The following ACTG2 variants were observed in gnomAD, a reference collection of about 807,000 sequenced individuals.
The protein encoded by ACTG2 is actin gamma 2, smooth muscle.
A neutral mutation model predicts 37.6 loss-of-function variants in ACTG2; 16 were observed. That is an observed-to-expected ratio of 0.43 (90% CI 0.29 to 0.65). The LOEUF (loss-of-function observed/expected upper bound fraction) is 0.65, where lower values mean the gene tolerates loss of function less well. ACTG2 is among the 30% of genes least tolerant of loss of function. ACTG2 has a pLI of 0.18. For synonymous variants in ACTG2, 181 were observed against 179.9 expected, an observed-to-expected ratio of 1.01 and a Z score of -0.05; for missense variants, 238 against 490.9, an observed-to-expected ratio of 0.48 and a Z score of 4.87.
chr2:73,916,374 GA>G (rs56292295), intron 7 of ACTG2, among the ~76,000 whole-genome samples: 426 of 126,988 alleles, frequency 3.4e-3, no homozygotes, highest in African/African-American at 8.4e-3. Context: ...CTCCATCTCA[GA>G]AAAAAAAAAA....
At position 73,919,833 on chromosome 2, in the gene ACTG2, T is replaced by C. The variant is rs1680341272; in HGVS notation, c.*258T>C. On this transcript the variant is annotated 3_prime_UTR_variant, in exon 9 of 9. Coordinates refer to ENST00000345517, the MANE Select transcript of ACTG2 (RefSeq NM_001615.4). Reference sequence around the variant, plus strand: ...CAAGGACTTGCGAAGATCACACAGATTCCAGATTAAAATTCAAGTATCTGA... The same window carrying C: ...CAAGGACTTGCGAAGATCACACAGACTCCAGATTAAAATTCAAGTATCTGA... The C allele has an allele frequency of 3.2e-6, 1 of 312,110 alleles. No individual in the cohort carries two copies. Among genetic ancestry groups the C allele is most frequent in the Non-Finnish European group, 5.8e-6 (1 of 171,898 alleles). 19.3% of individuals were successfully genotyped at this position (312,110 alleles called of 1,614,324 possible).
chr2:73,907,279 C>G (rs1291108802), intron 3 of ACTG2, among the ~76,000 whole-genome samples: 1 of 152,110 alleles, frequency 6.6e-6, no homozygotes, highest in African/African-American at 2.4e-5. Context: ...ATCACACTTA[C>G]CACCGTCTTA....
chr2:73,907,030 C>T (rs1648796288), intron 3 of ACTG2, among the ~76,000 whole-genome samples: 1 of 152,166 alleles, frequency 6.6e-6, no homozygotes, highest in African/African-American at 2.4e-5. Flanking sequence ...CAGTCCAGGG[C>T]CTCTGCCTGT....
chr2:73,908,565 T>C, intron 3 of ACTG2, 108 bp from the exon 4 acceptor site: 1 of 943,774 alleles, frequency 1.1e-6, no homozygotes, highest in African/African-American at 1.6e-5. Flanking sequence ...TCCAGATCCA[T>C]CCCATCCTGT....
intron 1 of ACTG2, among the ~76,000 whole-genome samples, chr2:73,895,089 T>C (rs1679714775): frequency 6.6e-6 from 1 of 151,986 alleles, no homozygotes; most frequent in Admixed American, 6.6e-5. Flanking sequence ...CACCAGGGCA[T>C]TGGGCATGGG....
chr2:73,916,209 C>G (rs941813268), intron 7 of ACTG2, among the ~76,000 whole-genome samples: 1 of 151,948 alleles, frequency 6.6e-6, no homozygotes, highest in Admixed American at 6.6e-5. Context: ...AACCCCATCT[C>G]TACTAAAAAT....
chr2:73,893,276 C>T (rs541197565), intron 1 of ACTG2, among the ~76,000 whole-genome samples: 110 of 152,336 alleles, frequency 7.2e-4, no homozygotes, highest in Non-Finnish European at 1.4e-3. Flanking sequence ...ACCGTGCTCC[C>T]TGCCTCAGAA....
At chr2:73,899,318 A>T (rs1234501890) in intron 1 of ACTG2, among the ~76,000 whole-genome samples, 1 of 152,046 alleles carries the variant, frequency 6.6e-6, no homozygotes, top group Non-Finnish European at 1.5e-5. Flanking sequence ...TTTTTATATC[A>T]GCCAGCCATA....
At chr2:73,903,471 C>T (rs1679934308) in intron 3 of ACTG2, among the ~76,000 whole-genome samples, 1 of 152,190 alleles carries the variant, frequency 6.6e-6, no homozygotes, top group African/African-American at 2.4e-5. Flanking sequence ...GTGCAAATCC[C>T]ACCCTATAAG....
chr2:73,903,717 G>A (rs1045587864), intron 3 of ACTG2, among the ~76,000 whole-genome samples: 1 of 152,064 alleles, frequency 6.6e-6, no homozygotes, highest in African/African-American at 2.4e-5. Flanking sequence ...CGAGGCGGGT[G>A]GATCACAAAA....
chr2:73,916,561 C>T (rs1157418402), intron 7 of ACTG2, 23 bp from the exon 8 acceptor site: 2 of 1,601,172 alleles, frequency 1.2e-6, no homozygotes, highest in African/African-American at 2.7e-5. Flanking sequence ...TGCCTGTTGA[C>T]CAGACACTGT....
chr2:73,901,561 TGTGTGTGTGTGTGTGTGTGTCTGTGC>T lies in ACTG2; in HGVS notation c.126+143_126+168del, dbSNP rs1396220821. 256 of 142,290 alleles carry T rather than the reference TGTGTGTGTGTGTGTGTGTGTCTGTGC, an allele frequency of 1.8e-3. 7 individuals are homozygous for T. Among genetic ancestry groups the T allele is most frequent in the Middle Eastern group, 2.5e-3 (1 of 406 alleles). 8.8% of individuals were successfully genotyped at this position (142,290 alleles called of 1,614,324 possible). A position where few individuals can be genotyped will look rare whatever the true frequency, so the allele number is the denominator to read the frequency against. On this transcript the variant is annotated intron_variant, in intron 2 of 8. Transcript: ENST00000345517. ...GTGTGTGTGTGTGTGTGTGTGTGTG[TGTGTGTGTGTGTGTGTGTGTCTGTGC>T]GTGTGTGTGTGTGTGTGTCTGTGCA...
At chr2:73,913,736 C>A in intron 6 of ACTG2, 90 bp downstream of exon 6, 1 of 1,198,772 alleles carries the variant, frequency 8.3e-7, no homozygotes, top group Non-Finnish European at 1.2e-6. Context: ...AATTCTGTGA[C>A]TCTGTGTCTT....
chr2:73,901,335 G>C lies in ACTG2; in HGVS notation c.24G>C (p.Ala8=). 6.2e-7 allele frequency: 1 copy of C among 1,611,678 alleles called. No individual in the cohort carries two copies. Among genetic ancestry groups the C allele is most frequent in the Non-Finnish European group, 8.5e-7 (1 of 1,178,414 alleles). Residue 8 remains alanine (A), a synonymous_variant, in exon 2 of 9, where the codon GCG becomes GCC. Transcript: ENST00000345517. MCEEETT[A]LVCDNGSGLC... The stretch of plus-strand genomic sequence containing the variant: ...CCATGTGTGAAGAGGAGACCACCGC[G>C]CTCGTGTGTGACAATGGCTCTGGCC...
At chr2:73,894,503 C>CATTT (rs1278110807) in intron 1 of ACTG2, among the ~76,000 whole-genome samples, 1 of 152,198 alleles carries the variant, frequency 6.6e-6, no homozygotes, top group East Asian at 1.9e-4. Flanking sequence ...ATTCTGCCAA[C>CATTT]ATTTATTGAG....
chr2:73,896,942 G>A (rs1679759321), intron 1 of ACTG2: 1 of 152,336 alleles, frequency 6.6e-6, no homozygotes, highest in African/African-American at 2.4e-5. Context: ...CCAGAAAGCA[G>A]CTGAGGAAAG....
intron 1 of ACTG2, among the ~76,000 whole-genome samples, chr2:73,898,806 T>C (rs994110409): frequency 6.3e-5 from 9 of 143,142 alleles, no homozygotes; most frequent in East Asian, 6.0e-4. Flanking sequence ...TTTTTTCTTT[T>C]TTTTTTTTTT....
chr2:73,901,497 G>A, intron 2 of ACTG2, 60 bp downstream of exon 2: 2 of 1,485,382 alleles, frequency 1.3e-6, no homozygotes, highest in Non-Finnish European at 1.8e-6. Flanking sequence ...GCTGCACTGT[G>A]GAGACCCTGC....
chr2:73,905,093 T>A (rs1449707436), intron 3 of ACTG2, among the ~76,000 whole-genome samples: 1 of 151,940 alleles, frequency 6.6e-6, no homozygotes, highest in Non-Finnish European at 1.5e-5. Context: ...ACTTCCAGCA[T>A]CAGAAAGGAG....
Sources: gnomAD v4.1 joint callset for allele counts (sites outside exome capture counted in the v4.1 genomes callset) on GRCh38, gnomAD v4.1.1 for gene constraint, MANE v1.5 for transcripts, NCBI Gene and HGNC (gene_info 2026-07-23, HGNC 2026-07-21) for gene names.